The following ST6GALNAC3 variants were observed in gnomAD, a reference collection of about 807,000 sequenced individuals.
ST6GALNAC3 encodes alpha-N-acetylgalactosaminide alpha-2,6-sialyltransferase 3.
In ST6GALNAC3, 25 loss-of-function variants were observed where a neutral mutation model predicts 32.7. That is an observed-to-expected ratio of 0.76 (90% CI 0.56 to 1.07). The LOEUF is 1.07. Ranked by LOEUF, ST6GALNAC3 falls within the 50% of genes least tolerant of loss-of-function variation. The pLI is 0.00. For missense variants in ST6GALNAC3, 355 were observed against 382.4 expected (o/e 0.93, Z 0.60); for synonymous variants, 129 against 133.1 (o/e 0.97, Z 0.21).
intron 1 of ST6GALNAC3, among the ~76,000 whole-genome samples, chr1:76,146,597 C>T (rs1650696803): frequency 1.3e-5 from 2 of 152,272 alleles, no homozygotes; most frequent in African/African-American, 4.8e-5. Context: ...CTCCCAAATC[C>T]ATCGTCTTTT....
At chr1:76,294,717 A>G (rs1324461168) in intron 1 of ST6GALNAC3, among the ~76,000 whole-genome samples, 1 of 152,030 alleles carries the variant, frequency 6.6e-6, no homozygotes, top group Non-Finnish European at 1.5e-5. Context: ...AAGGGCTTTG[A>G]AGGTCAAGTT....
intron 3 of ST6GALNAC3, among the ~76,000 whole-genome samples, chr1:76,441,588 C>T (rs1004706930): frequency 6.6e-6 from 1 of 152,090 alleles, no homozygotes; most frequent in African/African-American, 2.4e-5. Flanking sequence ...ATAGGGTATC[C>T]ATCCCCTCAA....
chr1:76,222,849 A>T (rs1411266571), intron 1 of ST6GALNAC3, among the ~76,000 whole-genome samples: 1 of 152,160 alleles, frequency 6.6e-6, no homozygotes, highest in Non-Finnish European at 1.5e-5. Flanking sequence ...AACCACAATG[A>T]GATACCATCT....
chr1:76,528,211 C>T (rs1220119305), intron 3 of ST6GALNAC3, among the ~76,000 whole-genome samples: 4 of 152,110 alleles, frequency 2.6e-5, no homozygotes, highest in Non-Finnish European at 4.4e-5. Flanking sequence ...TACTTCTGAG[C>T]ATTCACTATG....
At chr1:76,406,487 A>G (rs1317019550) in intron 2 of ST6GALNAC3, among the ~76,000 whole-genome samples, 1 of 152,058 alleles carries the variant, frequency 6.6e-6, no homozygotes, top group Non-Finnish European at 1.5e-5. Flanking sequence ...GGTCATGATT[A>G]GTTTATCTTA....
In ST6GALNAC3 at chr1:76,221,223, A is replaced by G. The variant is rs576036669; in HGVS notation, c.19-92582A>G. 4.9e-4 allele frequency among the ~76,000 whole-genome samples: 75 copies of G among 152,322 alleles called. No individual in the cohort carries two copies. In the South Asian group the frequency reaches 6.8e-3, roughly 14 times the overall value. ...AAACATTAGAGGCACACAGGTCATAATCATGTCGCATAATTTGATTAATTT... is the reference window on the plus strand; with the variant it reads ...AAACATTAGAGGCACACAGGTCATAGTCATGTCGCATAATTTGATTAATTT... On this transcript the variant is annotated intron_variant, in intron 1 of 4. Coordinates refer to ENST00000328299, the MANE Select transcript of ST6GALNAC3 (RefSeq NM_152996.4).
intron 1 of ST6GALNAC3, among the ~76,000 whole-genome samples, chr1:76,262,487 A>C (rs1658295916): frequency 1.3e-5 from 2 of 152,236 alleles, no homozygotes; most frequent in African/African-American, 4.8e-5. Context: ...TTGCTTTGTC[A>C]ATTCTAATGT....
chr1:76,288,278 G>GT (rs1285806439), intron 1 of ST6GALNAC3, among the ~76,000 whole-genome samples: 3 of 152,206 alleles, frequency 2.0e-5, no homozygotes, highest in African/African-American at 7.2e-5. Flanking sequence ...CGATGTGTTT[G>GT]TAAGTCCAAT....
intron 2 of ST6GALNAC3, among the ~76,000 whole-genome samples, chr1:76,390,946 A>ATTTTTT (rs58114434): frequency 7.4e-4 from 90 of 121,032 alleles, no homozygotes; most frequent in South Asian, 3.7e-3. Flanking sequence ...ATATATATGT[A>ATTTTTT]TTTTTTTTTT....
intron 2 of ST6GALNAC3, among the ~76,000 whole-genome samples, chr1:76,403,142 A>C (rs2101227842): frequency 6.6e-6 from 1 of 152,238 alleles, no homozygotes; most frequent in South Asian, 2.1e-4. Flanking sequence ...AAATTAAGAA[A>C]ATTTATTAGG....
intron 3 of ST6GALNAC3, among the ~76,000 whole-genome samples, chr1:76,564,742 C>T (rs974903714): frequency 6.6e-6 from 1 of 151,974 alleles, no homozygotes; most frequent in South Asian, 2.1e-4. Context: ...CCCACCACCA[C>T]GCCTGGCTAA....
intron 3 of ST6GALNAC3, among the ~76,000 whole-genome samples, chr1:76,520,706 G>T (rs544706795): frequency 2.0e-5 from 3 of 151,772 alleles, no homozygotes; most frequent in African/African-American, 7.3e-5. Context: ...GGTATATATC[G>T]TCCTGGTGGA....
intron 1 of ST6GALNAC3, among the ~76,000 whole-genome samples, chr1:76,190,048 A>G (rs1352616480): frequency 6.6e-6 from 1 of 152,004 alleles, no homozygotes; most frequent in East Asian, 1.9e-4. Flanking sequence ...CTTTTGGGGT[A>G]GAGTTTAACC....
intron 1 of ST6GALNAC3, among the ~76,000 whole-genome samples, chr1:76,130,465 C>T (rs1271897829): frequency 1.3e-5 from 2 of 152,192 alleles, no homozygotes; most frequent in Non-Finnish European, 1.5e-5. Context: ...CTAGGCCATG[C>T]CTTCAGCTAG....
intron 3 of ST6GALNAC3, among the ~76,000 whole-genome samples, chr1:76,495,378 G>A (rs931913567): frequency 1.3e-5 from 2 of 152,080 alleles, no homozygotes; most frequent in Non-Finnish European, 2.9e-5. Context: ...GTTCTGTTGG[G>A]AAGATACGTA....
At chr1:76,345,022 C>T (rs183950424) in intron 2 of ST6GALNAC3, among the ~76,000 whole-genome samples, 3 of 152,262 alleles carry the variant, frequency 2.0e-5, no homozygotes, top group Non-Finnish European at 4.4e-5. Flanking sequence ...CCCTCAGGTT[C>T]CTTGGCTGTG....
At chr1:76,094,647 G>A (rs558588918) in intron 1 of ST6GALNAC3, among the ~76,000 whole-genome samples, 1 of 152,296 alleles carries the variant, frequency 6.6e-6, no homozygotes, top group African/African-American at 2.4e-5. Flanking sequence ...AGAATTTTAA[G>A]TAGAGGAAAC....
chr1:76,479,012 C>A (rs1372068634), intron 3 of ST6GALNAC3, among the ~76,000 whole-genome samples: 1 of 152,052 alleles, frequency 6.6e-6, no homozygotes, highest in Non-Finnish European at 1.5e-5. Flanking sequence ...ATCTGCCCAC[C>A]TTGGCCTCCC....
intron 1 of ST6GALNAC3, among the ~76,000 whole-genome samples, chr1:76,236,243 C>T (rs1410497609): frequency 1.3e-5 from 2 of 152,106 alleles, no homozygotes; most frequent in East Asian, 1.9e-4. Context: ...CTACCGCACC[C>T]GACCAACCTA....
Sources: gnomAD v4.1 joint callset for allele counts (sites outside exome capture counted in the v4.1 genomes callset) on GRCh38, gnomAD v4.1.1 for gene constraint, MANE v1.5 for transcripts, NCBI Gene and HGNC (gene_info 2026-07-23, HGNC 2026-07-21) for gene names.